CDH12: variants seen among roughly 807,000 people sequenced by gnomAD.
The protein encoded by CDH12 is cadherin-12.
A neutral mutation model predicts 74.1 loss-of-function variants in CDH12; 41 were observed. The ratio of observed to expected loss-of-function variants is 0.55; its 90% CI spans 0.43 to 0.72. The LOEUF is 0.72. Among genes scored for constraint, CDH12 ranks in the 30% least tolerant of loss-of-function variants. CDH12 has a pLI of 0.00. For synonymous variants in CDH12, 399 were observed against 355.0 expected (o/e 1.12, Z -1.39); for missense variants, 945 against 977.2 (o/e 0.97, Z 0.44).
intron 5 of CDH12, among the ~76,000 whole-genome samples, chr5:22,075,820 C>G (rs1742279831): frequency 6.6e-6 from 1 of 152,046 alleles, no homozygotes. Flanking sequence ...GATACTTTTC[C>G]TAGGCATTTT....
chr5:22,203,537 A>G (rs1308465639), intron 4 of CDH12, among the ~76,000 whole-genome samples: 3 of 152,238 alleles, frequency 2.0e-5, no homozygotes, highest in African/African-American at 7.2e-5. Flanking sequence ...GCTGTTGTAC[A>G]TAGTGCTGCA....
intron 2 of CDH12, among the ~76,000 whole-genome samples, chr5:22,483,574 T>TAG (rs1208511265): frequency 6.7e-6 from 1 of 149,750 alleles, no homozygotes; most frequent in African/African-American, 2.5e-5. Flanking sequence ...GGTAGGCGAG[T>TAG]AGAGCTCTGT....
chr5:22,351,630 A>AT (rs1333510375), intron 3 of CDH12, among the ~76,000 whole-genome samples: 1 of 152,208 alleles, frequency 6.6e-6, no homozygotes, highest in Non-Finnish European at 1.5e-5. Flanking sequence ...TGTCTCACCA[A>AT]TTTATACTAA....
chr5:21,992,961 T>C (rs930814938), intron 5 of CDH12, among the ~76,000 whole-genome samples: 1 of 152,096 alleles, frequency 6.6e-6, no homozygotes, highest in Non-Finnish European at 1.5e-5. Flanking sequence ...ACATCTTACA[T>C]GGCGGCAGGA....
intron 10 of CDH12, among the ~76,000 whole-genome samples, chr5:21,801,695 G>T (rs548251012): frequency 6.6e-6 from 1 of 152,200 alleles, no homozygotes; most frequent in South Asian, 2.1e-4. Context: ...AGACAAGTTT[G>T]TTACACTGGA....
intron 3 of CDH12, among the ~76,000 whole-genome samples, chr5:22,238,670 CA>C (rs1175730046): frequency 6.6e-6 from 1 of 152,140 alleles, no homozygotes; most frequent in Non-Finnish European, 1.5e-5. Flanking sequence ...AATACTTTTG[CA>C]AATGTTAAAG....
At chr5:22,531,033 C>A (rs780466338) in intron 1 of CDH12, among the ~76,000 whole-genome samples, 5 of 151,962 alleles carry the variant, frequency 3.3e-5, no homozygotes, top group Non-Finnish European at 5.9e-5. Context: ...ATATGTATAT[C>A]TCTGAAAGTC....
intron 4 of CDH12, among the ~76,000 whole-genome samples, chr5:22,157,685 G>T (rs867731196): frequency 6.6e-6 from 1 of 151,742 alleles, no homozygotes; most frequent in Non-Finnish European, 1.5e-5. Flanking sequence ...ATAATGCCTG[G>T]CATATATTTT....
At chr5:22,649,559 G>A (rs1477246694) in intron 1 of CDH12, among the ~76,000 whole-genome samples, 2 of 151,964 alleles carry the variant, frequency 1.3e-5, no homozygotes, top group Non-Finnish European at 2.9e-5. Context: ...GGAAAACATA[G>A]GATTTCAAAG....
chr5:22,423,021 A>C (rs1160647537), intron 2 of CDH12, among the ~76,000 whole-genome samples: 1 of 152,190 alleles, frequency 6.6e-6, no homozygotes, highest in East Asian at 1.9e-4. Context: ...CAATTGTGCT[A>C]TCAAATACTA....
chr5:22,325,777 G>A (rs1257331184), intron 3 of CDH12, among the ~76,000 whole-genome samples: 2 of 152,052 alleles, frequency 1.3e-5, no homozygotes, highest in Non-Finnish European at 1.5e-5. Flanking sequence ...GCGTGGTAGC[G>A]GTCATCTGTA....
At chr5:22,207,542 G>A (rs1460448441) in intron 4 of CDH12, among the ~76,000 whole-genome samples, 4 of 152,194 alleles carry the variant, frequency 2.6e-5, no homozygotes, top group Admixed American at 6.5e-5. Context: ...AAGTTAGATT[G>A]TTGACTACCA....
intron 1 of CDH12, among the ~76,000 whole-genome samples, chr5:22,703,589 CCA>C (rs984537157): frequency 1.3e-5 from 2 of 152,110 alleles, no homozygotes; most frequent in Admixed American, 6.6e-5. Context: ...AGTGTTAACT[CCA>C]CATAATAGTT....
intron 6 of CDH12, among the ~76,000 whole-genome samples, chr5:21,855,531 T>A (rs1276687146): frequency 2.0e-5 from 3 of 150,920 alleles, no homozygotes; most frequent in Non-Finnish European, 1.5e-5. Flanking sequence ...AAAGTGAGTA[T>A]CTCTTCCTAA....
intron 1 of CDH12, among the ~76,000 whole-genome samples, chr5:22,564,933 TTTG>T (rs1739220780): frequency 6.6e-6 from 1 of 152,148 alleles, no homozygotes; most frequent in Non-Finnish European, 1.5e-5. Context: ...CCTTTTTTTC[TTTG>T]TTTTTTGTTT....
chr5:22,621,790 A>C (rs1737985762), intron 1 of CDH12, among the ~76,000 whole-genome samples: 1 of 152,084 alleles, frequency 6.6e-6, no homozygotes, highest in Non-Finnish European at 1.5e-5. Context: ...AATTGACTGA[A>C]TATTAATTAT....
At chr5:22,789,739 C>T (rs1747816577) in intron 1 of CDH12, among the ~76,000 whole-genome samples, 1 of 151,766 alleles carries the variant, frequency 6.6e-6, no homozygotes, top group East Asian at 1.9e-4. Context: ...AAGGAGATTT[C>T]TTTTTTAAAT....
intron 14 of CDH12, among the ~76,000 whole-genome samples, chr5:21,754,579 A>G (rs1396964993): frequency 6.6e-6 from 1 of 152,208 alleles, no homozygotes; most frequent in African/African-American, 2.4e-5. Flanking sequence ...TTCACCTTCT[A>G]CGTCAGCATG....
chr5:21,754,122 G>A (rs1321939333), intron 14 of CDH12, among the ~76,000 whole-genome samples: 1 of 152,166 alleles, frequency 6.6e-6, no homozygotes, highest in Non-Finnish European at 1.5e-5. Flanking sequence ...CTGGGCAGAT[G>A]TTCCGGCAGA....
Sources: gnomAD v4.1 joint callset for allele counts (sites outside exome capture counted in the v4.1 genomes callset) on GRCh38, gnomAD v4.1.1 for gene constraint, MANE v1.5 for transcripts, NCBI Gene and HGNC (gene_info 2026-07-23, HGNC 2026-07-21) for gene names.